The following SLC9A9 variants were observed in gnomAD, a reference collection of about 807,000 sequenced individuals.
SLC9A9 encodes the protein sodium/hydrogen exchanger 9.
A neutral mutation model predicts 77.8 loss-of-function variants in SLC9A9; 62 were observed. The ratio of observed to expected loss-of-function variants is 0.80; its 90% confidence interval spans 0.65 to 0.98. The LOEUF (loss-of-function observed/expected upper bound fraction) is 0.98, where lower values mean the gene tolerates loss of function less well. Ranked by LOEUF, SLC9A9 falls within the 50% of genes least tolerant of loss-of-function variation. The pLI, the probability that SLC9A9 is intolerant of heterozygous loss-of-function variation, is 0.00. For synonymous variants in SLC9A9, 320 were observed against 283.5 expected, an observed-to-expected ratio of 1.13 and a Z score of -1.29; for missense variants, 775 against 774.9, an observed-to-expected ratio of 1.00 and a Z score of 0.00.
At chr3:143,655,979 A>T (rs1362514942) in intron 5 of SLC9A9, among the ~76,000 whole-genome samples, 2 of 152,202 alleles carry the variant, frequency 1.3e-5, no homozygotes, top group African/African-American at 4.8e-5. Context: ...AAGCCAGAGG[A>T]AAGAGAGGCT....
chr3:143,779,188 G>A (rs1197174000), intron 4 of SLC9A9, among the ~76,000 whole-genome samples: 3 of 152,266 alleles, frequency 2.0e-5, no homozygotes, highest in Non-Finnish European at 2.9e-5. Context: ...AAACTTTACT[G>A]TTGTTTTGAA....
intron 4 of SLC9A9, among the ~76,000 whole-genome samples, chr3:143,711,303 T>C (rs2108796454): frequency 6.6e-6 from 1 of 152,332 alleles, no homozygotes; most frequent in African/African-American, 2.4e-5. Flanking sequence ...ACACAGACTT[T>C]TTATAGGCTT....
intron 6 of SLC9A9, among the ~76,000 whole-genome samples, chr3:143,597,474 C>G (rs1414417359): frequency 6.6e-6 from 1 of 152,188 alleles, no homozygotes; most frequent in African/African-American, 2.4e-5. Flanking sequence ...GGCCTCGCAA[C>G]CTTGCGTGGG....
chr3:143,317,918 G>A (rs200375843), intron 14 of SLC9A9, among the ~76,000 whole-genome samples: 32 of 151,774 alleles, frequency 2.1e-4, no homozygotes, highest in African/African-American at 7.3e-4. Flanking sequence ...TAGTAGAGAC[G>A]GGGTTTCACC....
chr3:143,834,213 G>A (rs757614883), intron 1 of SLC9A9, among the ~76,000 whole-genome samples: 4 of 152,180 alleles, frequency 2.6e-5, no homozygotes, highest in Non-Finnish European at 5.9e-5. Flanking sequence ...GGGAGCAAGA[G>A]AAAATAAGTT....
chr3:143,562,048 G>A (rs2037097019), intron 8 of SLC9A9, among the ~76,000 whole-genome samples: 1 of 152,170 alleles, frequency 6.6e-6, no homozygotes, highest in African/African-American at 2.4e-5. Context: ...ACATGAGTGA[G>A]TTTGGTATCT....
chr3:143,763,674 A>G (rs2007211050), intron 4 of SLC9A9, among the ~76,000 whole-genome samples: 1 of 152,126 alleles, frequency 6.6e-6, no homozygotes, highest in Non-Finnish European at 1.5e-5. Context: ...CTTTCAAAAA[A>G]AGCTAGAAAA....
chr3:143,479,325 C>A (rs908662858), intron 11 of SLC9A9, among the ~76,000 whole-genome samples: 2 of 152,058 alleles, frequency 1.3e-5, no homozygotes, highest in Non-Finnish European at 2.9e-5. Flanking sequence ...TAGTTCACTG[C>A]AGCCTCCCAC....
chr3:143,723,252 GA>G (rs202054422), intron 4 of SLC9A9, among the ~76,000 whole-genome samples: 32 of 146,372 alleles, frequency 2.2e-4, no homozygotes, highest in South Asian at 6.5e-4. Context: ...CCAATAAGCA[GA>G]AAAAAAAAAT....
At chr3:143,318,119 G>A (rs1489388265) in intron 14 of SLC9A9, among the ~76,000 whole-genome samples, 3 of 152,114 alleles carry the variant, frequency 2.0e-5, no homozygotes, top group Non-Finnish European at 4.4e-5. Context: ...ACCAGCAGTG[G>A]GGCTGGATGT....
intron 4 of SLC9A9, among the ~76,000 whole-genome samples, chr3:143,720,383 T>C: frequency 6.6e-6 from 1 of 152,232 alleles, no homozygotes; most frequent in East Asian, 1.9e-4. Flanking sequence ...AGGGTTGTTC[T>C]CTTCTATTCT....
chr3:143,569,163 T>C (rs1261223701), intron 8 of SLC9A9, among the ~76,000 whole-genome samples: 1 of 151,816 alleles, frequency 6.6e-6, no homozygotes, highest in Non-Finnish European at 1.5e-5. Context: ...TATTTTCTGT[T>C]TGGAACCTGT....
chr3:143,380,551 CTA>C (rs2033279920), intron 13 of SLC9A9, among the ~76,000 whole-genome samples: 1 of 152,204 alleles, frequency 6.6e-6, no homozygotes, highest in Non-Finnish European at 1.5e-5. Flanking sequence ...ACATTACTGA[CTA>C]TTCATTATAG....
chr3:143,303,709 G>A (rs1027999056), intron 14 of SLC9A9, among the ~76,000 whole-genome samples: 17 of 152,172 alleles, frequency 1.1e-4, no homozygotes, highest in African/African-American at 3.6e-4. Flanking sequence ...ACTTAATAGC[G>A]GAACTAGAAC....
chr3:143,395,101 T>C (rs2033693368), intron 12 of SLC9A9, among the ~76,000 whole-genome samples: 1 of 152,154 alleles, frequency 6.6e-6, no homozygotes, highest in Admixed American at 6.5e-5. Flanking sequence ...AAAACTACTT[T>C]AAAGTTCATA....
At chr3:143,349,443 A>G (rs1329420878) in intron 14 of SLC9A9, among the ~76,000 whole-genome samples, 1 of 152,174 alleles carries the variant, frequency 6.6e-6, no homozygotes, top group Non-Finnish European at 1.5e-5. Context: ...ACATCCTTTA[A>G]TAATAATAAC....
intron 5 of SLC9A9, among the ~76,000 whole-genome samples, chr3:143,653,774 G>A (rs541942182): frequency 1.3e-5 from 2 of 152,216 alleles, no homozygotes; most frequent in South Asian, 2.1e-4. Context: ...GAAGAGGCCC[G>A]GATTCATGCT....
intron 9 of SLC9A9, among the ~76,000 whole-genome samples, chr3:143,497,959 T>C (rs1470785044): frequency 1.3e-5 from 2 of 152,184 alleles, no homozygotes; most frequent in African/African-American, 4.8e-5. Context: ...TCGTTTTGTT[T>C]TGATTTTTTC....
chr3:143,349,621 C>A (rs10446325), intron 14 of SLC9A9, among the ~76,000 whole-genome samples: 42,658 of 152,040 alleles, frequency 0.28, 6,438 homozygotes, highest in African/African-American at 0.37. Context: ...GTAATTTTCC[C>A]AGTGTCACAC....
Sources: allele counts gnomAD v4.1 joint callset (sites outside exome capture counted in the v4.1 genomes callset), GRCh38; gene constraint gnomAD v4.1.1; transcripts MANE v1.5; gene names NCBI Gene and HGNC (gene_info 2026-07-23, HGNC 2026-07-21).